MEIG1: variants seen among roughly 807,000 people sequenced by gnomAD.
The protein encoded by MEIG1 is meiosis expressed gene 1 protein homolog.
A neutral mutation model predicts 11.3 loss-of-function variants in MEIG1; 12 were observed. That is an observed-to-expected ratio of 1.07 (90% confidence interval 0.68 to 1.73). The LOEUF (loss-of-function observed/expected upper bound fraction) is 1.73. Ranked by LOEUF, MEIG1 falls within the 40% of genes most tolerant of loss-of-function variation. The pLI is 0.00. For synonymous variants in MEIG1, 41 were observed against 33.2 expected, an observed-to-expected ratio of 1.24 and a Z score of -0.81; for missense variants, 119 against 104.9, an observed-to-expected ratio of 1.13 and a Z score of -0.59.
intron 1 of MEIG1, among the ~76,000 whole-genome samples, chr10:14,963,023 G>T (rs770215710): frequency 3.9e-4 from 58 of 150,552 alleles, no homozygotes; most frequent in Admixed American, 6.7e-4. Context: ...CAGTCTCCCA[G>T]AGTGCTGGGA....
chr10:14,980,204 G>A (rs1331959710), intron 1 of MEIG1, among the ~76,000 whole-genome samples: 2 of 151,868 alleles, frequency 1.3e-5, no homozygotes, highest in Admixed American at 6.6e-5. Context: ...GTATCCCAGG[G>A]GGATGTTACT....
chr10:14,984,088 T>C (rs536643054), intron 1 of MEIG1, among the ~76,000 whole-genome samples: 2 of 152,124 alleles, frequency 1.3e-5, no homozygotes, highest in South Asian at 4.2e-4. Flanking sequence ...TATGATATAG[T>C]TGGTAATTTC....
intron 1 of MEIG1, among the ~76,000 whole-genome samples, chr10:14,982,284 C>A (rs191427973): frequency 3.3e-5 from 5 of 152,230 alleles, no homozygotes; most frequent in Non-Finnish European, 7.4e-5. Context: ...CTTTGCATAT[C>A]CTCTCTTTCA....
intron 1 of MEIG1, among the ~76,000 whole-genome samples, chr10:14,986,228 G>A (rs1213043748): frequency 2.6e-5 from 4 of 152,164 alleles, no homozygotes; most frequent in Non-Finnish European, 5.9e-5. Context: ...GGGAGGTGGA[G>A]GCAGAAGAAT....
chr10:14,982,358 T>C (rs771197880), intron 1 of MEIG1, among the ~76,000 whole-genome samples: 7 of 152,160 alleles, frequency 4.6e-5, no homozygotes, highest in South Asian at 2.1e-4. Context: ...GGGGTTTTGA[T>C]AATCAGCTGG....
At chr10:14,987,881 A>G (rs2131288493) in exon 3 of MEIG1, 1 of 156,018 alleles carries the variant, frequency 6.4e-6, no homozygotes, top group East Asian at 1.9e-4. Context: ...TTGATGTAGA[A>G]TATGTAAAAG....
At chr10:14,974,394 C>T (rs561657380), downstream of MEIG1, among the ~76,000 whole-genome samples, 3 of 152,094 alleles carry the variant, frequency 2.0e-5, no homozygotes, top group East Asian at 1.9e-4. Flanking sequence ...TGTGGCTTTT[C>T]GGTAGAGGGC....
intron 1 of MEIG1, among the ~76,000 whole-genome samples, chr10:14,963,282 G>T (rs574850272): frequency 2.0e-5 from 3 of 150,986 alleles, no homozygotes; most frequent in African/African-American, 7.3e-5. Flanking sequence ...TTTTAGTAGC[G>T]ACGGGTTTCT....
intron 1 of MEIG1, among the ~76,000 whole-genome samples, chr10:14,984,976 G>A (rs910328208): frequency 2.4e-4 from 37 of 152,086 alleles, no homozygotes; most frequent in Admixed American, 1.2e-3. Flanking sequence ...ATATCCTAGC[G>A]GGAGTTCACT....
At chr10:14,981,933 G>T (rs1341771968) in intron 1 of MEIG1, among the ~76,000 whole-genome samples, 1 of 152,118 alleles carries the variant, frequency 6.6e-6, no homozygotes, top group African/African-American at 2.4e-5. Flanking sequence ...TTCTCTTTGC[G>T]CTTTTCCTCG....
At chr10:14,954,244 G>C in the MEIG1 span, 3 of 642,496 alleles carry the variant, frequency 4.7e-6, no homozygotes, top group Admixed American at 5.2e-5. Flanking sequence ...GCACGCGATG[G>C]GCCCTGAGCC....
chr10:14,967,536 A>G (rs7908597), intron 2 of MEIG1, among the ~76,000 whole-genome samples: 95,483 of 147,576 alleles, frequency 0.65, 31,026 homozygotes, highest in Admixed American at 0.69. Flanking sequence ...ACAGAGTCTC[A>G]CTCTGTCACC....
At chr10:14,963,111 A>C (rs1181501993) in intron 1 of MEIG1, among the ~76,000 whole-genome samples, 1 of 141,912 alleles carries the variant, frequency 7.0e-6, no homozygotes, top group Non-Finnish European at 1.5e-5. Flanking sequence ...TTCTCTCTTA[A>C]TTTAGACAGA....
chr10:14,980,497 T>C (rs1264655726), intron 1 of MEIG1, among the ~76,000 whole-genome samples: 1 of 152,198 alleles, frequency 6.6e-6, no homozygotes, highest in Non-Finnish European at 1.5e-5. Context: ...CACCTTGTAA[T>C]CTTATTCAGA....
upstream of MEIG1, chr10:14,954,405 CTG>C: frequency 6.0e-6 from 2 of 334,916 alleles, no homozygotes; most frequent in South Asian, 5.4e-5. Flanking sequence ...GGCTGCGGAA[CTG>C]CGCTTAGAAA....
intron 1 of MEIG1, among the ~76,000 whole-genome samples, chr10:14,960,226 A>T (rs1232543818): frequency 6.6e-6 from 1 of 152,172 alleles, no homozygotes; most frequent in East Asian, 1.9e-4. Context: ...TTAAGAACAG[A>T]AATAATCTAA....
intron 2 of MEIG1, among the ~76,000 whole-genome samples, chr10:14,971,216 G>GATAATAATA (rs55964936): frequency 0.066 from 9,511 of 143,526 alleles, 363 homozygotes; most frequent in African/African-American, 0.11. Flanking sequence ...TAATAATAAT[G>GATAATAATA]ATAATAATAA....
chr10:14,965,639 G>A (rs535761231), intron 1 of MEIG1, among the ~76,000 whole-genome samples: 45 of 150,940 alleles, frequency 3.0e-4, no homozygotes, highest in Admixed American at 6.0e-4. Flanking sequence ...ACAAGAAAGC[G>A]AACAGAGTGA....
chr10:14,955,997 G>A (rs941862406), upstream of MEIG1, among the ~76,000 whole-genome samples: 3 of 152,202 alleles, frequency 2.0e-5, no homozygotes, highest in Non-Finnish European at 4.4e-5. Flanking sequence ...GAATCTCACG[G>A]TAGAGCTCCA....
Sources: gnomAD v4.1 joint callset for allele counts (sites outside exome capture counted in the v4.1 genomes callset) on GRCh38, gnomAD v4.1.1 for gene constraint, MANE v1.5 for transcripts, NCBI Gene and HGNC (gene_info 2026-07-23, HGNC 2026-07-21) for gene names.